Variants in PPP2R2C observed in about 807,000 individuals in gnomAD.
The protein encoded by PPP2R2C is protein phosphatase 2 regulatory subunit Bgamma, also known as protein phosphatase 2, regulatory subunit B, gamma.
PPP2R2C carries 10 observed loss-of-function variants against 45.3 expected under a neutral mutation model. The ratio of observed to expected loss-of-function variants is 0.22; its 90% confidence interval spans 0.14 to 0.37. The LOEUF (loss-of-function observed/expected upper bound fraction) is 0.37. Among genes scored for constraint, PPP2R2C ranks in the 10% least tolerant of loss-of-function variants. The probability of loss-of-function intolerance (pLI) is 1.00; values close to 1 mark genes in which losing one functional copy is unlikely to be tolerated. For missense variants in PPP2R2C, 308 were observed against 619.7 expected (o/e 0.50, Z 5.34); for synonymous variants, 257 against 245.4 (o/e 1.05, Z -0.44).
intron 5 of PPP2R2C, chr4:6,348,750 G>T (rs555517077): frequency 3.4e-5 from 32 of 954,906 alleles, no homozygotes; most frequent in Non-Finnish European, 4.0e-5. Context: ...CCTGGAGCTT[G>T]AGGGTGGGGC....
chr4:6,529,720 C>T (rs570205086), intron 2 of PPP2R2C, among the ~76,000 whole-genome samples: 9 of 152,350 alleles, frequency 5.9e-5, no homozygotes, highest in African/African-American at 2.2e-4. Flanking sequence ...GACCGTGAGC[C>T]CTAGGTCTGC....
intron 5 of PPP2R2C, among the ~76,000 whole-genome samples, chr4:6,370,771 C>CAGCAG (rs1254681769): frequency 2.0e-5 from 3 of 152,220 alleles, no homozygotes; most frequent in Non-Finnish European, 2.9e-5. Context: ...CATGCTCGTG[C>CAGCAG]AGCAGAAAGA....
chr4:6,372,888 G>A (rs376966557), intron 4 of PPP2R2C, among the ~76,000 whole-genome samples, 188 bp from the exon 5 acceptor site: 1 of 152,228 alleles, frequency 6.6e-6, no homozygotes, highest in East Asian at 1.9e-4. Context: ...CTGCAAGAGA[G>A]GCATGGATGC....
intron 1 of PPP2R2C, among the ~76,000 whole-genome samples, chr4:6,456,381 T>C (rs1721038562): frequency 6.7e-6 from 1 of 149,218 alleles, no homozygotes; most frequent in Non-Finnish European, 1.5e-5. Context: ...GAAATAAAAT[T>C]AAGATCTTCT....
intron 1 of PPP2R2C, among the ~76,000 whole-genome samples, chr4:6,411,042 T>C (rs1251209127): frequency 6.6e-6 from 1 of 151,808 alleles, no homozygotes; most frequent in Admixed American, 6.6e-5. Flanking sequence ...GGCTAATTTG[T>C]GTATTTTTTG....
intron 1 of PPP2R2C, among the ~76,000 whole-genome samples, chr4:6,438,079 T>A (rs1439442426): frequency 6.6e-6 from 1 of 152,198 alleles, no homozygotes; most frequent in African/African-American, 2.4e-5. Flanking sequence ...AACCTTCTCC[T>A]TCATGTCCTT....
At chr4:6,549,570 A>G (rs1725111601) in intron 1 of PPP2R2C, among the ~76,000 whole-genome samples, 1 of 152,186 alleles carries the variant, frequency 6.6e-6, no homozygotes, top group Admixed American at 6.5e-5. Flanking sequence ...GCAGAGCCAG[A>G]CTGATAACAC....
intron 2 of PPP2R2C, among the ~76,000 whole-genome samples, chr4:6,523,024 G>T (rs1560601497): frequency 6.6e-6 from 1 of 152,204 alleles, no homozygotes; most frequent in Non-Finnish European, 1.5e-5. Context: ...TCAAGCCTTG[G>T]GTCAAGAAGT....
In PPP2R2C at chr4:6,440,448, T is replaced by G. The variant is rs114401889; in HGVS notation, c.70+31712A>C. Reference sequence around the variant, plus strand: ...GGGCCAACAACTCACAGGGCAGGTGTTGGGGGCTCTTAGCAACCTCTAAGG... The same window carrying G: ...GGGCCAACAACTCACAGGGCAGGTGGTGGGGGCTCTTAGCAACCTCTAAGG... On this transcript the variant is annotated intron_variant, in intron 1 of 8. Transcript: ENST00000382599. Among the ~76,000 whole-genome samples the G allele has an allele frequency of 9.3e-3, 1,414 of 152,162 alleles. 22 individuals carry two copies. Among genetic ancestry groups the G allele is most frequent in the African/African-American group, 0.032 (1,327 of 41,500 alleles).
chr4:6,443,199 T>G (rs1327421935), intron 1 of PPP2R2C, among the ~76,000 whole-genome samples: 3 of 152,166 alleles, frequency 2.0e-5, no homozygotes, highest in African/African-American at 7.2e-5. Context: ...CCTCCAGCCT[T>G]CCAGGCAGGT....
intron 1 of PPP2R2C, among the ~76,000 whole-genome samples, chr4:6,433,372 G>C (rs982140669): frequency 6.6e-6 from 1 of 152,144 alleles, no homozygotes; most frequent in African/African-American, 2.4e-5. Context: ...GTGGTGGCAT[G>C]AGTTTCCATT....
intron 2 of PPP2R2C, among the ~76,000 whole-genome samples, chr4:6,491,126 G>A (rs1251986150): frequency 6.6e-6 from 1 of 152,210 alleles, no homozygotes; most frequent in Non-Finnish European, 1.5e-5. Flanking sequence ...CATCTCTGTG[G>A]ACAGGGATTT....
At chr4:6,387,210 T>C (rs1716273820) in intron 1 of PPP2R2C, among the ~76,000 whole-genome samples, 1 of 152,142 alleles carries the variant, frequency 6.6e-6, no homozygotes, top group Non-Finnish European at 1.5e-5. Flanking sequence ...GAAAAATTCC[T>C]CAATTTGGTA....
At chr4:6,354,782 G>C (rs1414330784) in intron 5 of PPP2R2C, among the ~76,000 whole-genome samples, 1 of 151,984 alleles carries the variant, frequency 6.6e-6, no homozygotes, top group Non-Finnish European at 1.5e-5. Flanking sequence ...CTGAGCCCGG[G>C]TGCGTGATTG....
At chr4:6,361,346 A>C (rs1407384630) in intron 5 of PPP2R2C, among the ~76,000 whole-genome samples, 2 of 152,228 alleles carry the variant, frequency 1.3e-5, no homozygotes, top group Non-Finnish European at 2.9e-5. Flanking sequence ...CTTAGAAAGG[A>C]ATCAACCAAG....
rs1292761912 is a variant in PPP2R2C, at chr4:6,471,303, G to A, written c.70+857C>T. Among the ~76,000 whole-genome samples the A allele has an allele frequency of 2.0e-5, 3 of 152,252 alleles. No homozygotes were observed. Among genetic ancestry groups the A allele is most frequent in the East Asian group, 3.9e-4 (2 of 5,136 alleles). ...CCTCCCGGTCCCCATCCTCCATCGG[G>A]GTCACTCCGCGGGCCCTGCCTGCGC... is the stretch of plus-strand genomic sequence containing the variant. On this transcript the variant is annotated intron_variant, in intron 1 of 8. Coordinates refer to ENST00000382599, the MANE Select transcript of PPP2R2C (RefSeq NM_020416.4). This position sits in a 1 kb window ranked among gnomAD's most constrained non-coding sequence, Gnocchi z 5.6.
intron 2 of PPP2R2C, among the ~76,000 whole-genome samples, chr4:6,528,051 A>C (rs552439251): frequency 6.6e-6 from 1 of 152,344 alleles, no homozygotes; most frequent in African/African-American, 2.4e-5. Flanking sequence ...CGGTGAGCGC[A>C]GAGCATCCAC....
At chr4:6,526,736 G>T (rs1413983758) in intron 2 of PPP2R2C, among the ~76,000 whole-genome samples, 1 of 152,226 alleles carries the variant, frequency 6.6e-6, no homozygotes, top group Non-Finnish European at 1.5e-5. Context: ...GAGGAAGAAA[G>T]AGGTAGAGGG....
chr4:6,362,863 G>A (rs1013643579), intron 5 of PPP2R2C, among the ~76,000 whole-genome samples: 7 of 133,256 alleles, frequency 5.3e-5, no homozygotes, highest in African/African-American at 2.0e-4. Context: ...TCCCAGCCCT[G>A]GCACCCCCTT....
Sources: gnomAD v4.1 joint callset for allele counts (sites outside exome capture counted in the v4.1 genomes callset) on GRCh38, gnomAD v4.1.1 for gene constraint, Gnocchi (gnomAD v3.1) non-coding constraint, MANE v1.5 for transcripts, NCBI Gene and HGNC (gene_info 2026-07-23, HGNC 2026-07-21) for gene names.